Variants in ACCSL observed in about 807,000 individuals in gnomAD.
ACCSL encodes the protein probable inactive 1-aminocyclopropane-1-carboxylate synthase-like protein 2.
ACCSL carries 55 observed loss-of-function variants against 61.7 expected under a neutral mutation model. That is an observed-to-expected ratio of 0.89 (90% confidence interval 0.72 to 1.12). The LOEUF (loss-of-function observed/expected upper bound fraction) is 1.12, where lower values mean the gene tolerates loss of function less well. Ranked by LOEUF, ACCSL falls within the 50% of genes most tolerant of loss-of-function variation. The pLI, the probability that ACCSL is intolerant of heterozygous loss-of-function variation, is 0.00. For synonymous variants in ACCSL, 258 were observed against 264.3 expected, an observed-to-expected ratio of 0.98 and a Z score of 0.23; for missense variants, 632 against 698.0, an observed-to-expected ratio of 0.91 and a Z score of 1.07.
chr11:43,992,186 G>A, the ACCSL span, among the ~76,000 whole-genome samples: 1 of 150,790 alleles, frequency 6.6e-6, no homozygotes, highest in African/African-American at 2.4e-5. Context: ...TGAGTAGTTG[G>A]AACTACAGGT....
chr11:44,013,541 C>T, the ACCSL span, among the ~76,000 whole-genome samples: 7 of 152,250 alleles, frequency 4.6e-5, no homozygotes, highest in African/African-American at 1.7e-4. Context: ...GATCCACCCG[C>T]CTCGGCCTCC....
At chr11:44,049,954 T>G in intron 1 of ACCSL, 108 bp from the exon 2 acceptor site, 1 of 1,457,578 alleles carries the variant, frequency 6.9e-7, no homozygotes, top group Non-Finnish European at 9.6e-7. Context: ...AAATTTGGAT[T>G]GAATTGCCTC....
intron 3 of ACCSL, 114 bp from the exon 4 acceptor site, chr11:44,051,221 A>G: frequency 9.9e-7 from 1 of 1,009,468 alleles, no homozygotes; most frequent in Non-Finnish European, 1.6e-6. Flanking sequence ...TAGCCCTGTA[A>G]TATGAGGTTG....
chr11:43,925,246 G>C, the ACCSL span: 1 of 389,972 alleles, frequency 2.6e-6, no homozygotes, highest in Non-Finnish European at 5.2e-6. Flanking sequence ...AAGCCCTGTG[G>C]GGTGTCGGTA....
intron 11 of ACCSL, 56 bp from the exon 12 acceptor site, chr11:44,058,261 T>C (rs1245059100): frequency 1.3e-6 from 2 of 1,582,320 alleles, no homozygotes; most frequent in Admixed American, 1.7e-5. Context: ...GGGAAGGAAC[T>C]CTCGGTAGAT....
chr11:43,941,349 G>A, the ACCSL span, among the ~76,000 whole-genome samples: 16 of 152,334 alleles, frequency 1.1e-4, no homozygotes, highest in East Asian at 3.1e-3. Context: ...GGCCAGGACT[G>A]TACCTTTCTT....
chr11:43,978,960 T>C, the ACCSL span, among the ~76,000 whole-genome samples: 1 of 152,098 alleles, frequency 6.6e-6, no homozygotes, highest in African/African-American at 2.4e-5. Flanking sequence ...GGGGTTTTGT[T>C]GGGAAAGCCT....
the ACCSL span, among the ~76,000 whole-genome samples, chr11:43,968,094 G>T: frequency 2.0e-5 from 3 of 152,054 alleles, no homozygotes; most frequent in Non-Finnish European, 2.9e-5. Flanking sequence ...TTGGGGTGGG[G>T]GTTGATGCTA....
At chr11:43,933,895 A>G in the ACCSL span, among the ~76,000 whole-genome samples, 3 of 152,038 alleles carry the variant, frequency 2.0e-5, no homozygotes, top group African/African-American at 4.8e-5. Context: ...CTCCGGTGGG[A>G]CCAGCCCTGC....
At chr11:44,040,553 A>G in the ACCSL span, among the ~76,000 whole-genome samples, 1 of 152,170 alleles carries the variant, frequency 6.6e-6, no homozygotes. Context: ...CAAGCAGAAC[A>G]TGCAGGCCAC....
chr11:43,969,147 G>A, the ACCSL span, among the ~76,000 whole-genome samples: 1 of 152,004 alleles, frequency 6.6e-6, no homozygotes, highest in Non-Finnish European at 1.5e-5. Context: ...TCAGAAGTTC[G>A]AGCCCAGCCT....
chr11:44,032,647 G>A, the ACCSL span, among the ~76,000 whole-genome samples: 3 of 152,152 alleles, frequency 2.0e-5, no homozygotes, highest in African/African-American at 7.2e-5. Flanking sequence ...GGACTGGAGT[G>A]GGGAGCGGGC....
chr11:44,039,723 G>A, the ACCSL span, among the ~76,000 whole-genome samples: 11 of 152,230 alleles, frequency 7.2e-5, no homozygotes, highest in African/African-American at 2.7e-4. Context: ...TCCTACTGAT[G>A]TGGAGCCCAG....
At chr11:43,921,271 AC>A in the ACCSL span, 6 of 152,114 alleles carry the variant, frequency 3.9e-5, no homozygotes, top group Non-Finnish European at 7.3e-5. Context: ...GCATGCTCTG[AC>A]TCGGCACTCA....
the ACCSL span, among the ~76,000 whole-genome samples, chr11:43,968,483 A>G: frequency 6.6e-6 from 1 of 152,062 alleles, no homozygotes; most frequent in Non-Finnish European, 1.5e-5. Flanking sequence ...TGGAGTTTGC[A>G]TTATTTTTCT....
chr11:44,024,459 G>C, the ACCSL span, among the ~76,000 whole-genome samples: 78 of 151,160 alleles, frequency 5.2e-4, no homozygotes, highest in African/African-American at 1.5e-3. Context: ...GTGTGTGTGT[G>C]TGTGTGTGTG....
At chr11:44,014,356 G>A in the ACCSL span, among the ~76,000 whole-genome samples, 37 of 152,198 alleles carry the variant, frequency 2.4e-4, no homozygotes, top group African/African-American at 8.4e-4. Flanking sequence ...CTTGGCAGGC[G>A]GCGATGCCTC....
chr11:43,934,145 C>T, the ACCSL span, among the ~76,000 whole-genome samples: 5 of 152,196 alleles, frequency 3.3e-5, no homozygotes, highest in African/African-American at 7.2e-5. Context: ...CTCTCCCTCT[C>T]GTGCACACTG....
chr11:44,025,172 G>A, the ACCSL span, among the ~76,000 whole-genome samples: 38 of 152,038 alleles, frequency 2.5e-4, no homozygotes, highest in South Asian at 1.2e-3. Context: ...TGTAATTACC[G>A]TTTAGGTAGG....
Sources: gnomAD v4.1 joint callset for allele counts (sites outside exome capture counted in the v4.1 genomes callset) on GRCh38, gnomAD v4.1.1 for gene constraint, MANE v1.5 for transcripts, NCBI Gene and HGNC (gene_info 2026-07-23, HGNC 2026-07-21) for gene names.